Variants in CFAP299 observed in about 807,000 individuals in gnomAD.
CFAP299 encodes the protein cilia and flagella associated protein 299.
A neutral mutation model predicts 27.0 loss-of-function variants in CFAP299; 21 were observed. That is an observed-to-expected ratio of 0.78 (90% CI 0.55 to 1.12). The LOEUF (loss-of-function observed/expected upper bound fraction) is 1.12, where lower values mean the gene tolerates loss of function less well. Ranked by LOEUF, CFAP299 falls within the 50% of genes most tolerant of loss-of-function variation. The probability of loss-of-function intolerance (pLI) is 0.00; values close to 1 mark genes in which losing one functional copy is unlikely to be tolerated. For synonymous variants in CFAP299, 104 were observed against 98.1 expected (o/e 1.06, Z -0.36); for missense variants, 310 against 276.6 (o/e 1.12, Z -0.86).
chr4:80,540,460 A>G (rs1733947692), intron 2 of CFAP299, among the ~76,000 whole-genome samples: 1 of 152,232 alleles, frequency 6.6e-6, no homozygotes, highest in Admixed American at 6.5e-5. Flanking sequence ...ACAAGGGCAG[A>G]AAACAACAGT....
chr4:80,569,633 T>C (rs1385784379), intron 2 of CFAP299, among the ~76,000 whole-genome samples: 2 of 152,032 alleles, frequency 1.3e-5, no homozygotes, highest in Non-Finnish European at 2.9e-5. Context: ...CAAAATTGCA[T>C]GATGCAAGGT....
At chr4:80,465,549 C>A (rs552977606) in intron 2 of CFAP299, among the ~76,000 whole-genome samples, 29 of 152,268 alleles carry the variant, frequency 1.9e-4, no homozygotes, top group African/African-American at 6.5e-4. Context: ...GCTACAACTT[C>A]CTATATTCTT....
intron 2 of CFAP299, among the ~76,000 whole-genome samples, chr4:80,473,382 C>G (rs1730107133): frequency 6.6e-6 from 1 of 151,926 alleles, no homozygotes; most frequent in Non-Finnish European, 1.5e-5. Flanking sequence ...TATTCCTTCC[C>G]AAGTGGTCCT....
At chr4:80,498,111 C>T (rs556423177) in intron 2 of CFAP299, among the ~76,000 whole-genome samples, 50 of 152,244 alleles carry the variant, frequency 3.3e-4, no homozygotes, top group South Asian at 6.2e-4. Flanking sequence ...GGATTAATGA[C>T]TTAAATGTGA....
chr4:80,829,695 A>G lies in CFAP299; in HGVS notation c.334-40298A>G, dbSNP rs116458804. Reference sequence around the variant, plus strand: ...AATCCAAGTGTTCATTCATTGGCAAATAAGTGGATAAACAAAATACGGTAT... The same window carrying G: ...AATCCAAGTGTTCATTCATTGGCAAGTAAGTGGATAAACAAAATACGGTAT... On this transcript the variant is annotated intron_variant, in intron 3 of 5. Transcript: ENST00000358105. 3.8e-3 allele frequency among the ~76,000 whole-genome samples: 584 copies of G among 152,212 alleles called. 6 individuals carry two copies. The highest frequency in any genetic ancestry group is 0.013 in the African/African-American group (558 of 41,562).
At chr4:80,839,327 G>T (rs1173672438) in intron 3 of CFAP299, among the ~76,000 whole-genome samples, 1 of 152,080 alleles carries the variant, frequency 6.6e-6, no homozygotes, top group Non-Finnish European at 1.5e-5. Flanking sequence ...TGTCTAGAAT[G>T]TCCTTAAAAA....
At chr4:80,849,747 T>C (rs554533625) in intron 3 of CFAP299, among the ~76,000 whole-genome samples, 136 of 151,954 alleles carry the variant, frequency 9.0e-4, no homozygotes, top group African/African-American at 3.1e-3. Flanking sequence ...TGGTGAGAGG[T>C]TGGTCAGCAG....
At chr4:80,892,907 G>C (rs772150218) in intron 4 of CFAP299, among the ~76,000 whole-genome samples, 8 of 151,794 alleles carry the variant, frequency 5.3e-5, no homozygotes, top group Non-Finnish European at 8.8e-5. Context: ...GAAATTAAAG[G>C]CTTCCAAATC....
chr4:80,533,990 A>G (rs1422491927), intron 2 of CFAP299, among the ~76,000 whole-genome samples: 2 of 152,138 alleles, frequency 1.3e-5, no homozygotes, highest in African/African-American at 2.4e-5. Context: ...ATCCAGTACC[A>G]TGTTCAGAGT....
rs187447586 is a variant in CFAP299 at position 80,660,704 on chromosome 4, G to A, written c.333+77521G>A. Among the ~76,000 whole-genome samples, 52 of 152,264 alleles carry A rather than the reference G, an allele frequency of 3.4e-4. No homozygotes were observed. In the East Asian group the frequency reaches 9.9e-3, roughly 29 times the overall value. On this transcript the variant is annotated intron_variant, in intron 3 of 5. Coordinates refer to ENST00000358105, the MANE Select transcript of CFAP299 (RefSeq NM_152770.3). ...GCCATTTGCCAAGACAGGTGACACA[G>A]AAGCAACAGGAGGCTTCAGAAATTA... is the stretch of plus-strand genomic sequence containing the variant.
At chr4:80,801,847 A>C (rs1728629306) in intron 3 of CFAP299, among the ~76,000 whole-genome samples, 1 of 152,114 alleles carries the variant, frequency 6.6e-6, no homozygotes, top group South Asian at 2.1e-4. Flanking sequence ...TGCCCAACGC[A>C]CTCTGCTTTC....
chr4:80,548,246 C>T (rs1734337466), intron 2 of CFAP299, among the ~76,000 whole-genome samples: 1 of 152,122 alleles, frequency 6.6e-6, no homozygotes, highest in Non-Finnish European at 1.5e-5. Flanking sequence ...GTATTAATAG[C>T]TGGAGGCCAT....
intron 5 of CFAP299, among the ~76,000 whole-genome samples, chr4:80,953,654 C>T (rs1170634237): frequency 6.6e-6 from 1 of 152,102 alleles, no homozygotes; most frequent in East Asian, 1.9e-4. Context: ...CAGAGATAAG[C>T]ACATTGTTCA....
At chr4:80,800,298 T>C (rs376874940) in intron 3 of CFAP299, among the ~76,000 whole-genome samples, 4 of 74,368 alleles carry the variant, frequency 5.4e-5, no homozygotes, top group Non-Finnish European at 6.7e-5. Flanking sequence ...TATTAATATA[T>C]ATAATATATA....
intron 2 of CFAP299, among the ~76,000 whole-genome samples, chr4:80,417,066 G>C (rs979116010): frequency 1.3e-5 from 2 of 152,236 alleles, no homozygotes; most frequent in African/African-American, 4.8e-5. Context: ...TAAACAAGGG[G>C]TGGATTATTC....
At chr4:80,353,030 T>G (rs1723089216) in intron 1 of CFAP299, among the ~76,000 whole-genome samples, 1 of 151,936 alleles carries the variant, frequency 6.6e-6, no homozygotes, top group Non-Finnish European at 1.5e-5. Context: ...ACAAATTGAG[T>G]CCAAGCAAGT....
intron 3 of CFAP299, among the ~76,000 whole-genome samples, chr4:80,600,724 C>T (rs1737297939): frequency 6.6e-6 from 1 of 152,058 alleles, no homozygotes; most frequent in Non-Finnish European, 1.5e-5. Context: ...GAATAAACAA[C>T]TCCTGAGGAA....
At position 80,552,088 on chromosome 4, in the gene CFAP299, AGAT is replaced by A. The variant is rs1217172243; in HGVS notation, c.243-31004_243-31002del. Among the ~76,000 whole-genome samples, 178 of 152,330 alleles carry A rather than the reference AGAT, an allele frequency of 1.2e-3. No homozygotes were observed. In the Middle Eastern group the frequency reaches 0.017, roughly 15 times the overall value. Reference sequence around the variant, plus strand: ...AGAGCTGAAACTATTAATTTATTTAAGATAAAAGCATTCTATGCCTTTGAATTA... The same window carrying A: ...AGAGCTGAAACTATTAATTTATTTAAAAAAGCATTCTATGCCTTTGAATTA... On this transcript the variant is annotated intron_variant, in intron 2 of 5. Coordinates refer to ENST00000358105, the MANE Select transcript of CFAP299 (RefSeq NM_152770.3).
At chr4:80,454,868 G>A (rs1484980499) in intron 2 of CFAP299, among the ~76,000 whole-genome samples, 3 of 152,100 alleles carry the variant, frequency 2.0e-5, no homozygotes, top group African/African-American at 7.2e-5. Context: ...GGTGGGTAGG[G>A]GGTTGGGAAG....
Sources: allele counts gnomAD v4.1 joint callset (sites outside exome capture counted in the v4.1 genomes callset), GRCh38; gene constraint gnomAD v4.1.1; transcripts MANE v1.5; gene names NCBI Gene and HGNC (gene_info 2026-07-23, HGNC 2026-07-21).